Variants in DLG2 observed in about 807,000 individuals in gnomAD.
DLG2 encodes discs large MAGUK scaffold protein 2.
DLG2 carries 45 observed loss-of-function variants against 132.5 expected under a neutral mutation model. The observed-to-expected ratio is 0.34, with a 90% CI of 0.27 to 0.44. The LOEUF (loss-of-function observed/expected upper bound fraction) is 0.44. Among genes scored for constraint, DLG2 ranks in the 20% least tolerant of loss-of-function variants. DLG2 has a pLI of 1.00. For missense variants in DLG2, 1,045 were observed against 1,196.9 expected, an observed-to-expected ratio of 0.87 and a Z score of 1.87; for synonymous variants, 424 against 419.6, an observed-to-expected ratio of 1.01 and a Z score of -0.13.
At chr11:84,048,748 A>ACTG (rs34367032) in intron 11 of DLG2, among the ~76,000 whole-genome samples, 3,411 of 151,758 alleles carry the variant, frequency 0.022, 69 homozygotes, top group Middle Eastern at 0.034. Flanking sequence ...TTGGTCATGA[A>ACTG]CTGCTGAATT....
intron 14 of DLG2, among the ~76,000 whole-genome samples, chr11:83,962,512 A>T (rs751800668): frequency 2.0e-5 from 3 of 152,058 alleles, no homozygotes; most frequent in Non-Finnish European, 4.4e-5. Context: ...ATTGAATTCC[A>T]CTAACCAAAT....
chr11:85,579,262 A>T (rs140182736), intron 3 of DLG2, among the ~76,000 whole-genome samples: 2 of 152,098 alleles, frequency 1.3e-5, no homozygotes, highest in Non-Finnish European at 2.9e-5. Context: ...GGGAGAGAAT[A>T]AGGAAAAATA....
chr11:84,105,569 T>G (rs892556167), intron 9 of DLG2, among the ~76,000 whole-genome samples: 1 of 152,182 alleles, frequency 6.6e-6, no homozygotes, highest in African/African-American at 2.4e-5. Flanking sequence ...CCAACAAGTA[T>G]GGATTAATGC....
chr11:83,745,536 C>A (rs1205286735), intron 18 of DLG2, among the ~76,000 whole-genome samples: 1 of 152,066 alleles, frequency 6.6e-6, no homozygotes, highest in African/African-American at 2.4e-5. Flanking sequence ...TGTAGCTGAG[C>A]ACAGTGGCTG....
chr11:84,066,229 A>C (rs1204906733), intron 10 of DLG2, among the ~76,000 whole-genome samples: 1 of 152,238 alleles, frequency 6.6e-6, no homozygotes, highest in Non-Finnish European at 1.5e-5. Flanking sequence ...GTTTAAAAAA[A>C]GAAAAAAATA....
At chr11:85,324,656 AGAGGTTTT>A (rs1331057126) in intron 3 of DLG2, among the ~76,000 whole-genome samples, 1 of 152,218 alleles carries the variant, frequency 6.6e-6, no homozygotes, top group East Asian at 1.9e-4. Context: ...AAGCTACACA[AGAGGTTTT>A]GAGGTTTGCT....
At chr11:84,241,068 T>C (rs936200211) in intron 8 of DLG2, among the ~76,000 whole-genome samples, 3 of 152,206 alleles carry the variant, frequency 2.0e-5, no homozygotes, top group African/African-American at 7.2e-5. Context: ...ACTTCCCTCT[T>C]CTTGGAATGC....
At chr11:84,393,553 T>C (rs941420622) in intron 7 of DLG2, among the ~76,000 whole-genome samples, 2 of 152,192 alleles carry the variant, frequency 1.3e-5, no homozygotes, top group African/African-American at 2.4e-5. Flanking sequence ...TGCCTATTTC[T>C]CTTACCATTA....
Position 83,956,768 on chromosome 11 carries a change from T to TGTA in DLG2, c.1340+6114_1340+6116dup, listed in dbSNP as rs138643420. On this transcript the variant is annotated intron_variant, in intron 14 of 27. Transcript: ENST00000376104. ...AAGAGAGGCTAGAACATGCTTGTAC[T>TGTA]GTACTCTGATGAGGTGTTGTCTGAT... 3.6e-3 allele frequency among the ~76,000 whole-genome samples: 555 copies of TGTA among 152,374 alleles called. 2 individuals are homozygous for TGTA. Among genetic ancestry groups the TGTA allele is most frequent in the African/African-American group, 0.012 (492 of 41,586 alleles).
chr11:84,461,457 GT>G (rs1379933731), intron 7 of DLG2, among the ~76,000 whole-genome samples: 15 of 150,980 alleles, frequency 9.9e-5, no homozygotes, highest in Admixed American at 9.9e-4. Flanking sequence ...TGAAAAATAT[GT>G]TCTTTTTAAA....
chr11:85,372,184 A>C (rs1209254884), intron 3 of DLG2, among the ~76,000 whole-genome samples: 1 of 152,216 alleles, frequency 6.6e-6, no homozygotes, highest in Non-Finnish European at 1.5e-5. Flanking sequence ...CTGAGCAGTT[A>C]TCCTGCAAAT....
In DLG2 at chr11:84,166,934, A is replaced by T. The variant is rs759305360; in HGVS notation, c.574-3423T>A. ...TACATTTTTTTTCTTGTACAGTAACACTTACGGTAATATTTAAGTACCTTG... is the reference window on the plus strand; with the variant it reads ...TACATTTTTTTTCTTGTACAGTAACTCTTACGGTAATATTTAAGTACCTTG... On this transcript the variant is annotated intron_variant, in intron 8 of 27. Transcript: ENST00000376104. 20 of 533,104 alleles carry T rather than the reference A, an allele frequency of 3.8e-5. No homozygotes were observed. The Admixed American group carries it at 3.9e-4, about 10-fold the overall frequency. 33.0% of individuals were successfully genotyped at this position (533,104 alleles called of 1,614,324 possible).
intron 6 of DLG2, among the ~76,000 whole-genome samples, chr11:85,087,303 A>C (rs76836420): frequency 1.1e-3 from 168 of 152,328 alleles, no homozygotes; most frequent in African/African-American, 3.9e-3. Context: ...AGAGAGAGAG[A>C]GCCCCTAGGA....
chr11:84,662,309 T>C (rs2099695255), intron 6 of DLG2, among the ~76,000 whole-genome samples: 1 of 151,422 alleles, frequency 6.6e-6, no homozygotes, highest in East Asian at 2.0e-4. Flanking sequence ...CCCAAGTAGC[T>C]GGGATTATAG....
At chr11:85,283,416 T>A (rs943224975) in intron 4 of DLG2, among the ~76,000 whole-genome samples, 2 of 149,414 alleles carry the variant, frequency 1.3e-5, no homozygotes, top group Admixed American at 1.3e-4. Context: ...TTTTATCACA[T>A]AAAAATTAAA....
chr11:83,849,336 T>TAATA (rs377642354), intron 16 of DLG2, among the ~76,000 whole-genome samples: 24,860 of 147,922 alleles, frequency 0.17, 3,477 homozygotes, highest in African/African-American at 0.38. Flanking sequence ...AATTAATAAA[T>TAATA]AATAAACAAA....
At chr11:84,864,054 A>G (rs1479332456) in intron 6 of DLG2, among the ~76,000 whole-genome samples, 1 of 152,238 alleles carries the variant, frequency 6.6e-6, no homozygotes, top group Admixed American at 6.5e-5. Flanking sequence ...ACTTTATTCA[A>G]GACAGTGGAG....
intron 26 of DLG2, among the ~76,000 whole-genome samples, chr11:83,465,691 CAA>C (rs2090894886): frequency 6.6e-6 from 1 of 152,080 alleles, no homozygotes; most frequent in South Asian, 2.1e-4. Flanking sequence ...TACCATATGC[CAA>C]AGAGTACATG....
At chr11:83,987,087 G>A (rs1326474059) in intron 11 of DLG2, among the ~76,000 whole-genome samples, 2 of 152,034 alleles carry the variant, frequency 1.3e-5, no homozygotes, top group African/African-American at 4.8e-5. Context: ...TGTCAATTTT[G>A]GCTTTTGTTG....
Sources: allele counts gnomAD v4.1 joint callset (sites outside exome capture counted in the v4.1 genomes callset), GRCh38; gene constraint gnomAD v4.1.1; transcripts MANE v1.5; gene names NCBI Gene and HGNC (gene_info 2026-07-23, HGNC 2026-07-21).